ITGB8: variants seen among roughly 807,000 people sequenced by gnomAD.
The protein encoded by ITGB8 is integrin beta-8.
ITGB8 carries 30 observed loss-of-function variants against 89.5 expected under a neutral mutation model. The ratio of observed to expected loss-of-function variants is 0.34; its 90% CI spans 0.25 to 0.45. The LOEUF is 0.45. Ranked by LOEUF, ITGB8 falls within the 20% of genes least tolerant of loss-of-function variation. The pLI is 1.00. For missense variants in ITGB8, 836 were observed against 933.3 expected (o/e 0.90, Z 1.36); for synonymous variants, 335 against 320.4 (o/e 1.05, Z -0.49).
At chr7:20,374,507 A>T (rs1484394000) in intron 3 of ITGB8, among the ~76,000 whole-genome samples, 1 of 152,046 alleles carries the variant, frequency 6.6e-6, no homozygotes, top group Non-Finnish European at 1.5e-5. Flanking sequence ...AAAAAAGATA[A>T]AGATGTCCAG....
chr7:20,347,991 TTGAG>T (rs1784986201), intron 1 of ITGB8, among the ~76,000 whole-genome samples: 2 of 152,172 alleles, frequency 1.3e-5, no homozygotes. Flanking sequence ...TTATTTGCCT[TTGAG>T]TGAGCAATTA....
intron 1 of ITGB8, among the ~76,000 whole-genome samples, chr7:20,356,903 A>AT (rs1179158954): frequency 6.6e-6 from 1 of 151,992 alleles, no homozygotes. Context: ...TTGCTGGTCC[A>AT]TTTTTTCCCC....
At chr7:20,385,547 T>A (rs1235625556) in intron 6 of ITGB8, among the ~76,000 whole-genome samples, 1 of 152,232 alleles carries the variant, frequency 6.6e-6, no homozygotes, top group Non-Finnish European at 1.5e-5. Flanking sequence ...GATCAGCATC[T>A]TATAGCATGG....
chr7:20,376,303 T>C (rs2214443), intron 3 of ITGB8, among the ~76,000 whole-genome samples: 141,388 of 152,184 alleles, frequency 0.93, 65,748 homozygotes, highest in East Asian at 0.99. Context: ...TGGGTCATAG[T>C]ACTTCATTAA....
chr7:20,404,954 C>T, intron 11 of ITGB8, 101 bp downstream of exon 11: 1 of 962,102 alleles, frequency 1.0e-6, no homozygotes, highest in Non-Finnish European at 1.6e-6. Flanking sequence ...ACATTGTGAC[C>T]ACCATGCTAA....
intron 8 of ITGB8, 112 bp from the exon 9 acceptor site, chr7:20,398,748 C>G (rs1293802877): frequency 3.0e-6 from 2 of 669,054 alleles, no homozygotes; most frequent in African/African-American, 1.9e-5. Context: ...TAGAAACAGA[C>G]TCTTTGATCT....
intron 1 of ITGB8, among the ~76,000 whole-genome samples, chr7:20,351,982 A>G (rs1251708435): frequency 6.6e-6 from 1 of 152,222 alleles, no homozygotes; most frequent in African/African-American, 2.4e-5. Context: ...GATTGAAAAC[A>G]TTATTTAGAG....
chr7:20,336,259 C>T (rs555540600), intron 1 of ITGB8, among the ~76,000 whole-genome samples: 6 of 152,278 alleles, frequency 3.9e-5, no homozygotes, highest in Admixed American at 2.6e-4. Flanking sequence ...CTCGCCTCGG[C>T]CTCCCAAAGT....
chr7:20,382,328 G>C (rs1786433004), intron 6 of ITGB8, among the ~76,000 whole-genome samples: 2 of 152,138 alleles, frequency 1.3e-5, no homozygotes, highest in Admixed American at 6.6e-5. Context: ...GAGAAAGAGA[G>C]TCAAACAAAG....
rs760047206 is a variant in ITGB8 at position 20,331,886 on chromosome 7, T to C, written c.80T>C (p.Leu27Pro). Reference sequence around the variant, plus strand: ...GACCGGCGAGGTCCCGCCTCGTTCCTCTGGGCAGCCTGGGTGTTTTCACTT... The same window carrying C: ...GACCGGCGAGGTCCCGCCTCGTTCCCCTGGGCAGCCTGGGTGTTTTCACTT... Reference protein sequence around the residue: ...QNDRRGPASFLWAAWVFSLVL... With the variant: ...QNDRRGPASFPWAAWVFSLVL... Residue 27 changes from leucine (L) to proline (P), a missense_variant, in exon 1 of 14, where the codon CTC (leucine) becomes CCC (proline). Leu to Pro is a moderately conservative substitution (Grantham distance 98). This residue lies in a region of ITGB8 where 182 missense variants were observed against 177.0 expected (regional missense o/e 1.03). Coordinates refer to ENST00000222573, the MANE Select transcript of ITGB8 (RefSeq NM_002214.3). 6.2e-7 allele frequency: 1 copy of C among 1,614,176 alleles called. No homozygotes were observed. Among genetic ancestry groups the C allele is most frequent in the Non-Finnish European group, 8.5e-7 (1 of 1,180,032 alleles).
chr7:20,390,051 C>T (rs78357269), intron 6 of ITGB8, among the ~76,000 whole-genome samples: 2 of 152,216 alleles, frequency 1.3e-5, no homozygotes, highest in East Asian at 1.9e-4. Context: ...TTAGAACTTA[C>T]GTTATAAGTG....
chr7:20,350,691 G>A (rs969898778), intron 1 of ITGB8, among the ~76,000 whole-genome samples: 4 of 152,318 alleles, frequency 2.6e-5, no homozygotes, highest in Admixed American at 6.5e-5. Context: ...TTATGAAGCC[G>A]AGGCCAGCGA....
chr7:20,396,598 A>C (rs1385306906), intron 8 of ITGB8, among the ~76,000 whole-genome samples: 1 of 152,238 alleles, frequency 6.6e-6, no homozygotes, highest in Non-Finnish European at 1.5e-5. Context: ...GTTACAAAAA[A>C]GAACAGTGAG....
In ITGB8 at chr7:20,367,171, A is replaced by G. The variant is rs373295993; in HGVS notation, c.373A>G (p.Ile125Val). The G allele has an allele frequency of 1.0e-4, 165 of 1,609,744 alleles. No individual in the cohort carries two copies. The highest frequency in any genetic ancestry group is 1.3e-4 in the Non-Finnish European group (152 of 1,177,688). Residue 125 changes from isoleucine to valine, a missense_variant, in exon 3 of 14, where the codon ATC becomes GTC. Coordinates refer to ENST00000222573, the MANE Select transcript of ITGB8 (RefSeq NM_002214.3). ...NTQVTPGEVSIQLRPGAEANF... is the reference protein window; with the variant it reads ...NTQVTPGEVSVQLRPGAEANF... ...CCAGGTGACACCAGGAGAAGTGTCT[A>G]TCCAGCTGCGTCCAGGTTTGGTCAT...
Position 20,369,403 on chromosome 7 carries a change from C to T in ITGB8, c.388+2217C>T, listed in dbSNP as rs555221398. Among the ~76,000 whole-genome samples the T allele has an allele frequency of 5.9e-5, 9 of 152,214 alleles. No individual in the cohort carries two copies. In the East Asian group the frequency reaches 1.7e-3, roughly 29 times the overall value. On this transcript the variant is annotated intron_variant, in intron 3 of 13. Coordinates refer to ENST00000222573, the MANE Select transcript of ITGB8 (RefSeq NM_002214.3). ...TGGTGAGAGGTCTCATCCTGGCTTG[C>T]TACGTCCACACAGGGCAGAGAGAAA... is the stretch of plus-strand genomic sequence containing the variant.
At chr7:20,333,630 G>C (rs186249527) in intron 1 of ITGB8, among the ~76,000 whole-genome samples, 1 of 152,092 alleles carries the variant, frequency 6.6e-6, no homozygotes, top group Admixed American at 6.5e-5. Context: ...TTGTGAAAAA[G>C]CATTGCATTT....
intron 6 of ITGB8, chr7:20,382,128 A>G (rs1786424675): frequency 1.1e-5 from 4 of 349,634 alleles, no homozygotes; most frequent in Non-Finnish European, 2.0e-5. Flanking sequence ...AAAGCACTGT[A>G]TAATTTTTGA....
At chr7:20,388,350 C>G (rs1027615592) in intron 6 of ITGB8, among the ~76,000 whole-genome samples, 1 of 152,104 alleles carries the variant, frequency 6.6e-6, no homozygotes, top group African/African-American at 2.4e-5. Flanking sequence ...GTGATGTCAC[C>G]AGAACAGGAG....
intron 7 of ITGB8, 28 bp from the exon 8 acceptor site, chr7:20,394,868 G>A: frequency 6.8e-7 from 1 of 1,473,964 alleles, no homozygotes; most frequent in South Asian, 1.1e-5. Context: ...TATTGTCATT[G>A]TTTAAATGCT....
Sources: gnomAD v4.1 joint callset for allele counts (sites outside exome capture counted in the v4.1 genomes callset) on GRCh38, gnomAD v4.1.1 for gene constraint, gnomAD v4.1.1 regional missense constraint, MANE v1.5 for transcripts, NCBI Gene and HGNC (gene_info 2026-07-23, HGNC 2026-07-21) for gene names.